The following FRYL variants were observed in gnomAD, a reference collection of about 807,000 sequenced individuals.
FRYL encodes the protein FRY like transcription coactivator.
Under a neutral mutation model 351.2 loss-of-function variants are expected in FRYL, and 150 were observed. The observed-to-expected ratio is 0.43, with a 90% confidence interval of 0.37 to 0.49. FRYL has a LOEUF of 0.49. Ranked by LOEUF, FRYL falls within the 20% of genes least tolerant of loss-of-function variation. The pLI is 0.00. For synonymous variants in FRYL, 1,153 were observed against 1,257.1 expected (o/e 0.92, Z 1.75); for missense variants, 3,036 against 3,619.3 (o/e 0.84, Z 4.13).
intron 1 of FRYL, among the ~76,000 whole-genome samples, chr4:48,755,042 A>C (rs1042716830): frequency 1.3e-5 from 2 of 150,732 alleles, no homozygotes; most frequent in African/African-American, 4.9e-5. Flanking sequence ...TAAGACTAGC[A>C]CTCTCCCTCT....
intron 27 of FRYL, 45 bp downstream of exon 27, chr4:48,570,782 T>TC: frequency 7.2e-7 from 1 of 1,379,982 alleles, no homozygotes; most frequent in Non-Finnish European, 1.0e-6. Context: ...GATTACGTTC[T>TC]CTAGGATCAT....
intron 19 of FRYL, among the ~76,000 whole-genome samples, chr4:48,583,396 C>A (rs1388834519): frequency 6.6e-6 from 1 of 152,106 alleles, no homozygotes; most frequent in Non-Finnish European, 1.5e-5. Context: ...CATGATCTGC[C>A]CGCCTCGGCC....
chr4:48,675,817 G>A (rs531738429), intron 3 of FRYL, among the ~76,000 whole-genome samples: 9 of 152,344 alleles, frequency 5.9e-5, no homozygotes, highest in African/African-American at 1.9e-4. Context: ...AGTCTGGTGG[G>A]GCCTTGGAGA....
intron 33 of FRYL, among the ~76,000 whole-genome samples, chr4:48,558,250 G>A (rs1381072571): frequency 3.3e-5 from 5 of 152,178 alleles, no homozygotes; most frequent in Non-Finnish European, 5.9e-5. Flanking sequence ...AGGGAAAACA[G>A]GAAAGAAATC....
Position 48,575,131 on chromosome 4 carries a change from G to C in FRYL, c.2832C>G (p.Asn944Lys). The C allele has an allele frequency of 6.2e-7, 1 of 1,613,480 alleles. No homozygotes were observed. Among genetic ancestry groups the C allele is most frequent in the Non-Finnish European group, 8.5e-7 (1 of 1,179,460 alleles). Residue 944 changes from asparagine to lysine, a missense_variant, in exon 25 of 64, where the codon AAC becomes AAG. By Grantham distance (94) the Asn-to-Lys change is moderately conservative. Transcript: ENST00000358350. The stretch of plus-strand genomic sequence containing the variant: ...AACATAGTTACCTAAAAGCTCCTGG[G>C]TTGGTCCTGCCAAGACCTAGAACAA... ...ESLVLGLGRT[N>K]PGAFRELIEE... is the part of the protein sequence containing the mutation.
intron 4 of FRYL, among the ~76,000 whole-genome samples, chr4:48,632,536 C>G (rs1350521861): frequency 6.7e-6 from 1 of 150,322 alleles, no homozygotes; most frequent in Non-Finnish European, 1.5e-5. Context: ...TAAAACAGAA[C>G]TTTATATTAA....
chr4:48,730,446 T>G (rs1379671764), intron 1 of FRYL, among the ~76,000 whole-genome samples: 1 of 151,896 alleles, frequency 6.6e-6, no homozygotes, highest in Admixed American at 6.6e-5. Flanking sequence ...TTCACCAAGG[T>G]TGAAATGAAG....
At chr4:48,509,478 A>G (rs1483008004) in intron 59 of FRYL, among the ~76,000 whole-genome samples, 1 of 152,206 alleles carries the variant, frequency 6.6e-6, no homozygotes, top group Admixed American at 6.5e-5. Context: ...CCATCTAGAA[A>G]AATAATTACC....
At chr4:48,751,038 A>G in intron 1 of FRYL, among the ~76,000 whole-genome samples, 1 of 152,202 alleles carries the variant, frequency 6.6e-6, no homozygotes, top group East Asian at 1.9e-4. Context: ...GAAACATACA[A>G]GCACTAAATG....
At chr4:48,626,619 A>G (rs1751879616) in intron 4 of FRYL, among the ~76,000 whole-genome samples, 2 of 152,126 alleles carry the variant, frequency 1.3e-5, no homozygotes, top group Admixed American at 1.3e-4. Flanking sequence ...GTTTATAAGT[A>G]CATGATAATT....
chr4:48,617,072 G>T (rs1578371526), intron 7 of FRYL, among the ~76,000 whole-genome samples: 2 of 152,216 alleles, frequency 1.3e-5, no homozygotes, highest in South Asian at 4.1e-4. Flanking sequence ...TGAATAAAGT[G>T]TATCTATGTT....
At chr4:48,603,422 T>C (rs1451418589) in intron 11 of FRYL, 34 bp from the exon 12 acceptor site, 3 of 1,285,876 alleles carry the variant, frequency 2.3e-6, no homozygotes, top group Admixed American at 1.9e-5. Context: ...AAGAAAATGA[T>C]ACAGATGTTA....
intron 48 of FRYL, 80 bp from the exon 49 acceptor site, chr4:48,534,765 T>G: frequency 1.2e-6 from 1 of 868,194 alleles, no homozygotes; most frequent in Non-Finnish European, 1.8e-6. Flanking sequence ...TTTGACAGGT[T>G]GGAAAACATA....
At chr4:48,517,176 A>G (rs1367214544) in intron 55 of FRYL, among the ~76,000 whole-genome samples, 1 of 152,176 alleles carries the variant, frequency 6.6e-6, no homozygotes, top group Non-Finnish European at 1.5e-5. Flanking sequence ...TTTGGTCATT[A>G]TTTGGAAAGA....
At chr4:48,693,965 A>G (rs1765897111) in intron 2 of FRYL, among the ~76,000 whole-genome samples, 1 of 149,442 alleles carries the variant, frequency 6.7e-6, no homozygotes, top group African/African-American at 2.5e-5. Context: ...CAATACCTAC[A>G]GATTAACAGA....
At chr4:48,502,459 C>T (rs1719920943) in intron 61 of FRYL, among the ~76,000 whole-genome samples, 2 of 151,182 alleles carry the variant, frequency 1.3e-5, no homozygotes, top group African/African-American at 2.4e-5. Flanking sequence ...GCAGGAGAAT[C>T]GCTTGAACCT....
intron 1 of FRYL, among the ~76,000 whole-genome samples, chr4:48,775,822 G>A (rs1775957575): frequency 2.0e-5 from 3 of 152,148 alleles, no homozygotes; most frequent in African/African-American, 7.2e-5. Flanking sequence ...TTTTTGCAGA[G>A]TATGAAGTCT....
chr4:48,499,401 T>C lies in FRYL; in HGVS notation c.*21A>G. 1 of 1,609,934 alleles carries C rather than the reference T, an allele frequency of 6.2e-7. No individual in the cohort carries two copies. Among genetic ancestry groups the C allele is most frequent in the Non-Finnish European group, 8.5e-7 (1 of 1,176,828 alleles). On this transcript the variant is annotated 3_prime_UTR_variant, in exon 64 of 64. Transcript: ENST00000358350. ...CTTCATCATCTTCAGTTTAGTTTCT[T>C]TCCTAAAGGCCTGAAGTGTCTCAGA...
chr4:48,736,850 G>GAA (rs368006420), intron 1 of FRYL, among the ~76,000 whole-genome samples: 14,868 of 40,370 alleles, frequency 0.37, 2,776 homozygotes, highest in Non-Finnish European at 0.46. Flanking sequence ...ACTCTGTCTC[G>GAA]AAAAAAAAAA....
Sources: allele counts gnomAD v4.1 joint callset (sites outside exome capture counted in the v4.1 genomes callset), GRCh38; gene constraint gnomAD v4.1.1; transcripts MANE v1.5; gene names NCBI Gene and HGNC (gene_info 2026-07-23, HGNC 2026-07-21).